The following GRM5 variants were observed in gnomAD, a reference collection of about 807,000 sequenced individuals.
GRM5 encodes the protein metabotropic glutamate receptor 5.
Under a neutral mutation model 83.1 loss-of-function variants are expected in GRM5, and 19 were observed. That is an observed-to-expected ratio of 0.23 (90% CI 0.16 to 0.34). GRM5 has a LOEUF of 0.34. GRM5 is among the 10% of genes least tolerant of loss of function. The probability of loss-of-function intolerance (pLI) is 1.00; values close to 1 mark genes in which losing one functional copy is unlikely to be tolerated. For synonymous variants in GRM5, 675 were observed against 633.6 expected, an observed-to-expected ratio of 1.07 and a Z score of -0.98; for missense variants, 1,160 against 1,588.3, an observed-to-expected ratio of 0.73 and a Z score of 4.58.
chr11:88,856,047 G>T (rs1289057124), intron 2 of GRM5, among the ~76,000 whole-genome samples: 2 of 152,026 alleles, frequency 1.3e-5, no homozygotes, highest in African/African-American at 4.8e-5. Context: ...CAAAGAAAAG[G>T]AATAAGTGTA....
At chr11:88,896,221 T>C (rs1032261053) in intron 2 of GRM5, among the ~76,000 whole-genome samples, 6 of 151,852 alleles carry the variant, frequency 4.0e-5, no homozygotes, top group African/African-American at 7.2e-5. Flanking sequence ...TTTCCAACAC[T>C]TGTGCATCTA....
intron 4 of GRM5, among the ~76,000 whole-genome samples, chr11:88,641,783 C>A (rs577650733): frequency 6.6e-6 from 1 of 152,190 alleles, no homozygotes; most frequent in Admixed American, 6.5e-5. Flanking sequence ...GCTCCCACGG[C>A]CTTGGGCAGC....
At chr11:88,516,784 T>A (rs1207250334) in intron 9 of GRM5, among the ~76,000 whole-genome samples, 1 of 152,086 alleles carries the variant, frequency 6.6e-6, no homozygotes, top group Non-Finnish European at 1.5e-5. Flanking sequence ...CTAGTCCCAT[T>A]TCCTGTGGAA....
intron 2 of GRM5, among the ~76,000 whole-genome samples, chr11:88,886,576 T>C (rs1428883704): frequency 6.6e-6 from 1 of 152,110 alleles, no homozygotes; most frequent in African/African-American, 2.4e-5. Context: ...ACCAGCTTCC[T>C]TTCACTGAGG....
At chr11:88,995,111 C>T (rs532406998) in intron 2 of GRM5, among the ~76,000 whole-genome samples, 4 of 152,178 alleles carry the variant, frequency 2.6e-5, no homozygotes, top group African/African-American at 7.2e-5. Context: ...AATGATGATA[C>T]TGAAACTAAG....
At chr11:88,668,843 G>A (rs572525615) in intron 3 of GRM5, among the ~76,000 whole-genome samples, 3 of 152,068 alleles carry the variant, frequency 2.0e-5, no homozygotes, top group Non-Finnish European at 2.9e-5. Flanking sequence ...CCACAATTCA[G>A]TTTATGCTTT....
chr11:88,864,771 T>C (rs1944632136), intron 2 of GRM5, among the ~76,000 whole-genome samples: 1 of 152,074 alleles, frequency 6.6e-6, no homozygotes, highest in Non-Finnish European at 1.5e-5. Flanking sequence ...TTGCCAGTTT[T>C]TGACCATTAA....
chr11:88,609,263 T>G (rs1465102943), intron 4 of GRM5, among the ~76,000 whole-genome samples: 5 of 152,236 alleles, frequency 3.3e-5, no homozygotes, highest in African/African-American at 1.2e-4. Context: ...TTTCTATTCC[T>G]GCATTAGTTC....
rs574814052 is a variant in GRM5 at position 89,013,222 on chromosome 11, T to C, written c.661+33990A>G. ...AAATATTGGAAGCTAAGCATATGTGTTATTTTTCTGCATTTGTCAATTACT... is the reference window on the plus strand; with the variant it reads ...AAATATTGGAAGCTAAGCATATGTGCTATTTTTCTGCATTTGTCAATTACT... On this transcript the variant is annotated intron_variant, in intron 2 of 9. Transcript: ENST00000305447. 2.0e-5 allele frequency among the ~76,000 whole-genome samples: 3 copies of C among 152,322 alleles called. No homozygotes were observed. In the South Asian group the frequency reaches 6.2e-4, roughly 32 times the overall value.
intron 4 of GRM5, among the ~76,000 whole-genome samples, chr11:88,649,175 ATATAT>A (rs1380740617): frequency 1.4e-5 from 2 of 139,740 alleles, no homozygotes; most frequent in Non-Finnish European, 3.0e-5. Flanking sequence ...ATGTGTATGT[ATATAT>A]TATATATGTT....
At chr11:88,831,674 C>T (rs192164548) in intron 3 of GRM5, among the ~76,000 whole-genome samples, 29 of 152,242 alleles carry the variant, frequency 1.9e-4, no homozygotes, top group Admixed American at 1.4e-3. Context: ...CCCAAATTGC[C>T]ACTACCACCA....
intron 4 of GRM5, among the ~76,000 whole-genome samples, chr11:88,648,971 C>A: frequency 6.8e-6 from 1 of 146,828 alleles, no homozygotes; most frequent in African/African-American, 2.6e-5. Flanking sequence ...GCTTAAGGAG[C>A]TCTGGAAACC....
At chr11:88,533,170 T>C (rs1182127002) in intron 8 of GRM5, among the ~76,000 whole-genome samples, 3 of 152,062 alleles carry the variant, frequency 2.0e-5, no homozygotes, top group African/African-American at 4.8e-5. Flanking sequence ...TTTATCATGG[T>C]TTACAAATCC....
At position 88,509,130 on chromosome 11, in the gene GRM5, C is replaced by T. The variant is rs1481622231; in HGVS notation, c.3101G>A (p.Arg1034His). 2 of 1,542,678 alleles carry T rather than the reference C, an allele frequency of 1.3e-6. No individual in the cohort carries two copies. The highest frequency in any genetic ancestry group is 2.4e-5 in the South Asian group (2 of 83,746). The change falls in exon 10 of 10, where the codon CGC becomes CAC. Residue 1034 changes from arginine (R) to histidine (H), a missense_variant. Coordinates refer to ENST00000305447, the MANE Select transcript of GRM5 (RefSeq NM_001143831.3). The part of the protein sequence containing the change: ...TLSHRAGSAS[R>H]TDDDVPSLHS... ...CAGCGACGGCACATCGTCGTCCGTG[C>T]GGCTGGCCGAGCCCGCGCGGTGGCT...
intron 7 of GRM5, among the ~76,000 whole-genome samples, chr11:88,578,955 C>A (rs982963140): frequency 6.6e-6 from 1 of 151,950 alleles, no homozygotes; most frequent in Admixed American, 6.6e-5. Context: ...CCTGCAGCAT[C>A]ATGTCAAGGA....
At chr11:88,998,656 G>A (rs1394861182) in intron 2 of GRM5, among the ~76,000 whole-genome samples, 1 of 152,144 alleles carries the variant, frequency 6.6e-6, no homozygotes, top group Admixed American at 6.5e-5. Flanking sequence ...TCCATTAGGA[G>A]ATGGCATGGC....
chr11:88,793,350 A>G (rs1943213001), intron 3 of GRM5, among the ~76,000 whole-genome samples: 1 of 152,192 alleles, frequency 6.6e-6, no homozygotes, highest in Admixed American at 6.6e-5. Context: ...TAAAAATTTG[A>G]CATATAATTC....
At chr11:88,975,449 G>A (rs1383091839) in intron 2 of GRM5, among the ~76,000 whole-genome samples, 1 of 152,080 alleles carries the variant, frequency 6.6e-6, no homozygotes, top group African/African-American at 2.4e-5. Flanking sequence ...TAATTCAAGG[G>A]GTTTGAAAGG....
At chr11:88,870,826 A>G (rs1255030757) in intron 2 of GRM5, among the ~76,000 whole-genome samples, 1 of 151,594 alleles carries the variant, frequency 6.6e-6, no homozygotes, top group East Asian at 1.9e-4. Flanking sequence ...AAACTGAGTG[A>G]AGAGAAAGAA....
Sources: gnomAD v4.1 joint callset for allele counts (sites outside exome capture counted in the v4.1 genomes callset) on GRCh38, gnomAD v4.1.1 for gene constraint, MANE v1.5 for transcripts, NCBI Gene and HGNC (gene_info 2026-07-23, HGNC 2026-07-21) for gene names.